The following DGKB variants were observed in gnomAD, a reference collection of about 807,000 sequenced individuals.
The protein encoded by DGKB is 90 kDa diacylglycerol kinase.
A neutral mutation model predicts 114.3 loss-of-function variants in DGKB; 67 were observed. The observed-to-expected ratio is 0.59, with a 90% CI of 0.48 to 0.72. The LOEUF (loss-of-function observed/expected upper bound fraction) is 0.72. Among genes scored for constraint, DGKB ranks in the 30% least tolerant of loss-of-function variants. The probability of loss-of-function intolerance (pLI) is 0.00; values close to 1 mark genes in which losing one functional copy is unlikely to be tolerated. For missense variants in DGKB, 907 were observed against 975.2 expected (o/e 0.93, Z 0.93); for synonymous variants, 398 against 323.1 (o/e 1.23, Z -2.49).
chr7:14,525,720 G>A (rs898972880), intron 20 of DGKB, among the ~76,000 whole-genome samples: 2 of 151,996 alleles, frequency 1.3e-5, no homozygotes, highest in East Asian at 1.9e-4. Flanking sequence ...TAAAAAAAAA[G>A]TAGAAAAAGT....
intron 25 of DGKB, among the ~76,000 whole-genome samples, chr7:14,153,520 C>CATCA (rs1443718420): frequency 6.6e-6 from 1 of 152,058 alleles, no homozygotes; most frequent in African/African-American, 2.4e-5. Flanking sequence ...ACCTGCATAA[C>CATCA]ATCAGTCAAG....
At chr7:14,395,904 CA>C (rs1335600376) in intron 21 of DGKB, among the ~76,000 whole-genome samples, 3 of 151,866 alleles carry the variant, frequency 2.0e-5, no homozygotes, top group Admixed American at 6.6e-5. Flanking sequence ...TAATTATATG[CA>C]TTGCAAGTTA....
intron 20 of DGKB, among the ~76,000 whole-genome samples, chr7:14,534,301 A>T (rs899877134): frequency 2.0e-5 from 3 of 152,056 alleles, no homozygotes; most frequent in African/African-American, 7.2e-5. Flanking sequence ...AAGGTAGTAG[A>T]TATGCAAAAG....
At chr7:14,950,398 T>G (rs1462724005) in intron 1 of DGKB, among the ~76,000 whole-genome samples, 1 of 151,716 alleles carries the variant, frequency 6.6e-6, no homozygotes, top group Non-Finnish European at 1.5e-5. Flanking sequence ...AGAAAGGAAA[T>G]TTTAAAGATT....
At chr7:14,590,221 C>T (rs1356692839) in intron 17 of DGKB, among the ~76,000 whole-genome samples, 6 of 151,624 alleles carry the variant, frequency 4.0e-5, no homozygotes, top group Non-Finnish European at 8.8e-5. Context: ...ACTTTAGTAA[C>T]TATTCTTAAA....
intron 2 of DGKB, among the ~76,000 whole-genome samples, chr7:14,788,571 T>A (rs1030600004): frequency 3.9e-5 from 6 of 152,158 alleles, no homozygotes; most frequent in Admixed American, 2.0e-4. Context: ...CCTAATCACC[T>A]CAGGGCCAGG....
chr7:14,632,625 A>C (rs930857499), intron 13 of DGKB, among the ~76,000 whole-genome samples: 4 of 151,876 alleles, frequency 2.6e-5, no homozygotes, highest in African/African-American at 9.7e-5. Flanking sequence ...AAATATGTAC[A>C]TTATCTCAGT....
intron 21 of DGKB, among the ~76,000 whole-genome samples, chr7:14,465,055 GAGA>G (rs1460041076): frequency 1.3e-5 from 2 of 152,144 alleles, no homozygotes; most frequent in Admixed American, 6.6e-5. Flanking sequence ...ACATGGGTAT[GAGA>G]AGAATACTTT....
intron 13 of DGKB, among the ~76,000 whole-genome samples, chr7:14,649,368 AC>A (rs1813901741): frequency 6.6e-6 from 1 of 150,974 alleles, no homozygotes; most frequent in Non-Finnish European, 1.5e-5. Context: ...AGAATTTTCA[AC>A]CCAGAATTTC....
chr7:14,255,941 T>C (rs1256450680), intron 23 of DGKB, among the ~76,000 whole-genome samples: 1 of 151,996 alleles, frequency 6.6e-6, no homozygotes, highest in Non-Finnish European at 1.5e-5. Flanking sequence ...CATATTTCTG[T>C]CCTATATTCT....
chr7:14,932,682 C>A (rs2128251425), intron 1 of DGKB, among the ~76,000 whole-genome samples: 1 of 152,202 alleles, frequency 6.6e-6, no homozygotes, highest in Admixed American at 6.5e-5. Context: ...TAATTGGTTC[C>A]TCAGGTATTA....
intron 20 of DGKB, among the ~76,000 whole-genome samples, chr7:14,531,713 C>T (rs1219634697): frequency 1.3e-5 from 2 of 149,742 alleles, no homozygotes; most frequent in African/African-American, 2.4e-5. Flanking sequence ...GAGAAAGAAC[C>T]CAGAAAAGCC....
chr7:14,798,396 A>T (rs1298117361), intron 2 of DGKB, among the ~76,000 whole-genome samples: 1 of 152,184 alleles, frequency 6.6e-6, no homozygotes, highest in Non-Finnish European at 1.5e-5. Context: ...CCATGCTTCA[A>T]GCTCCACATT....
chr7:14,576,122 G>T (rs909789333), intron 19 of DGKB, among the ~76,000 whole-genome samples: 1 of 152,100 alleles, frequency 6.6e-6, no homozygotes, highest in Admixed American at 6.6e-5. Flanking sequence ...TATTTCAGAA[G>T]AGATTGGGTC....
At chr7:14,289,996 A>T (rs1420656852) in intron 23 of DGKB, among the ~76,000 whole-genome samples, 1 of 152,214 alleles carries the variant, frequency 6.6e-6, no homozygotes, top group East Asian at 1.9e-4. Context: ...AGGCAAAATC[A>T]AATGCTATAT....
intron 2 of DGKB, among the ~76,000 whole-genome samples, chr7:14,764,824 T>C (rs1254646514): frequency 2.0e-5 from 3 of 151,572 alleles, no homozygotes; most frequent in African/African-American, 7.3e-5. Context: ...TAGGTCACAA[T>C]AGCAAAAATA....
chr7:14,610,085 G>A (rs1805249149), intron 16 of DGKB, among the ~76,000 whole-genome samples: 1 of 151,990 alleles, frequency 6.6e-6, no homozygotes, highest in Non-Finnish European at 1.5e-5. Context: ...TTGCATCCCT[G>A]CTGTATTCAC....
intron 23 of DGKB, among the ~76,000 whole-genome samples, chr7:14,193,564 T>G (rs1440018395): frequency 6.6e-6 from 1 of 152,194 alleles, no homozygotes; most frequent in Admixed American, 6.5e-5. Flanking sequence ...ATTAAAGATT[T>G]AAATGTAAAG....
At chr7:14,747,518 C>G (rs1362536340) in intron 4 of DGKB, among the ~76,000 whole-genome samples, 1 of 152,070 alleles carries the variant, frequency 6.6e-6, no homozygotes, top group Non-Finnish European at 1.5e-5. Context: ...TTAGACATTT[C>G]TGATAAATGG....
Sources: allele counts gnomAD v4.1 joint callset (sites outside exome capture counted in the v4.1 genomes callset), GRCh38; gene constraint gnomAD v4.1.1; transcripts MANE v1.5; gene names NCBI Gene and HGNC (gene_info 2026-07-23, HGNC 2026-07-21).